SEM1: variants seen among roughly 807,000 people sequenced by gnomAD.
SEM1 encodes the protein SEM1 26S proteasome subunit.
Under a neutral mutation model 12.7 loss-of-function variants are expected in SEM1, and 3 were observed. That is an observed-to-expected ratio of 0.24 (90% confidence interval 0.11 to 0.61). The LOEUF (loss-of-function observed/expected upper bound fraction) is 0.61, where lower values mean the gene tolerates loss of function less well. Among genes scored for constraint, SEM1 ranks in the 20% least tolerant of loss-of-function variants. The probability of loss-of-function intolerance (pLI) is 0.88; values close to 1 mark genes in which losing one functional copy is unlikely to be tolerated. For missense variants in SEM1, 59 were observed against 81.3 expected (o/e 0.73, Z 1.06); for synonymous variants, 30 against 27.8 (o/e 1.08, Z -0.25).
At chr7:96,645,997 TTA>T (rs1253361487) in intron 2 of SEM1, 2 of 397,048 alleles carry the variant, frequency 5.0e-6, no homozygotes, top group Non-Finnish European at 8.9e-6. Flanking sequence ...CTTTCATACA[TTA>T]TGTTTCACTG....
intron 2 of SEM1, among the ~76,000 whole-genome samples, chr7:96,529,675 G>C (rs1804583031): frequency 6.6e-6 from 1 of 152,076 alleles, no homozygotes; most frequent in Admixed American, 6.6e-5. Context: ...TTGGAGTACA[G>C]AAAAGTCTCA....
At chr7:96,638,134 C>T (rs183679707) in intron 2 of SEM1, among the ~76,000 whole-genome samples, 1 of 152,186 alleles carries the variant, frequency 6.6e-6, no homozygotes, top group East Asian at 1.9e-4. Flanking sequence ...AGTCCTTCTT[C>T]ACCTCGTTCC....
chr7:96,650,717 T>G, intron 2 of SEM1, among the ~76,000 whole-genome samples: 1 of 151,688 alleles, frequency 6.6e-6, no homozygotes, highest in East Asian at 1.9e-4. Context: ...GCTCCAAAAC[T>G]CTCACCATGT....
intron 2 of SEM1, among the ~76,000 whole-genome samples, chr7:96,574,084 G>A (rs1033831399): frequency 1.1e-4 from 16 of 151,864 alleles, no homozygotes; most frequent in South Asian, 4.2e-4. Context: ...ATCCCTCCCC[G>A]CTCCTCCCAC....
At chr7:96,671,051 A>G (rs1789302197), downstream of SEM1, among the ~76,000 whole-genome samples, 1 of 152,192 alleles carries the variant, frequency 6.6e-6, no homozygotes, top group African/African-American at 2.4e-5. Context: ...TGCATGCACG[A>G]CATTTTGGGA....
At chr7:96,544,732 T>A (rs1203591887) in intron 2 of SEM1, among the ~76,000 whole-genome samples, 1 of 151,986 alleles carries the variant, frequency 6.6e-6, no homozygotes, top group African/African-American at 2.4e-5. Flanking sequence ...TTTATATATG[T>A]ATAATATACT....
At chr7:96,508,219 T>G (rs1024899199) in intron 2 of SEM1, among the ~76,000 whole-genome samples, 1 of 152,008 alleles carries the variant, frequency 6.6e-6, no homozygotes, top group African/African-American at 2.4e-5. Context: ...GAGTGGAGAT[T>G]CAGGGGGAAT....
intron 2 of SEM1, among the ~76,000 whole-genome samples, chr7:96,634,703 A>G (rs2116356655): frequency 6.6e-6 from 1 of 151,912 alleles, no homozygotes; most frequent in African/African-American, 2.4e-5. Flanking sequence ...TGGCTAGAAG[A>G]AGTGAGCCAT....
intron 1 of SEM1, among the ~76,000 whole-genome samples, chr7:96,702,765 T>C (rs968120736): frequency 5.9e-5 from 9 of 152,216 alleles, no homozygotes; most frequent in East Asian, 5.8e-4. Flanking sequence ...TTAATAGTGA[T>C]TGAAGTGAAC....
chr7:96,605,171 A>G (rs1316691332), intron 2 of SEM1, among the ~76,000 whole-genome samples: 1 of 152,096 alleles, frequency 6.6e-6, no homozygotes, highest in African/African-American at 2.4e-5. Context: ...CCATGTTGCA[A>G]TCCTAATTTA....
intron 2 of SEM1, chr7:96,622,745 A>G (rs745607880): frequency 4.7e-5 from 32 of 687,382 alleles, no homozygotes; most frequent in Non-Finnish European, 7.9e-5. Context: ...TGTAGATCAT[A>G]AAATCACTTA....
chr7:96,681,993 G>T (rs7808844), intron 2 of SEM1, among the ~76,000 whole-genome samples: 1 of 152,048 alleles, frequency 6.6e-6, no homozygotes, highest in Non-Finnish European at 1.5e-5. Flanking sequence ...CCATTTTCAC[G>T]ATATTGATTC....
Position 96,709,767 on chromosome 7 carries a change from G to T in SEM1, c.-4C>A. On this transcript the variant is annotated 5_prime_UTR_variant, in exon 1 of 3. Transcript: ENST00000248566. ...CCGGCTGCTTTTTCTCTGACATCTC[G>T]ACTGTCCGCGCCCAACACCTCCCAG... 6.2e-7 allele frequency: 1 copy of T among 1,613,700 alleles called. No homozygotes were observed. Among genetic ancestry groups the T allele is most frequent in the Non-Finnish European group, 8.5e-7 (1 of 1,179,814 alleles).
At chr7:96,565,608 AG>A (rs1805821953) in intron 2 of SEM1, among the ~76,000 whole-genome samples, 1 of 151,908 alleles carries the variant, frequency 6.6e-6, no homozygotes, top group Non-Finnish European at 1.5e-5. Flanking sequence ...CCCTCAATTC[AG>A]GTTTTGTAAT....
chr7:96,523,837 A>G (rs1367957297), intron 2 of SEM1, among the ~76,000 whole-genome samples: 1 of 152,142 alleles, frequency 6.6e-6, no homozygotes, highest in Non-Finnish European at 1.5e-5. Flanking sequence ...TTCCACCCCA[A>G]TGACACAAAC....
At position 96,490,727 on chromosome 7, in the gene SEM1, T is replaced by C. The variant is rs546802744; in HGVS notation, c.13-4310A>G. 2.0e-5 allele frequency among the ~76,000 whole-genome samples: 3 copies of C among 152,292 alleles called. No individual in the cohort carries two copies. In the South Asian group the frequency reaches 6.2e-4, roughly 32 times the overall value. On this transcript the variant is annotated intron_variant, in intron 1 of 3. Transcript: ENST00000356686. ...CCAAACGTGATCACATTGGAAGGTGTGCTGTGGATTGTCAGTCAGTTGGAA... is the reference window on the plus strand; with the variant it reads ...CCAAACGTGATCACATTGGAAGGTGCGCTGTGGATTGTCAGTCAGTTGGAA...
chr7:96,706,630 TTAAAATGA>T (rs1221393817), intron 1 of SEM1, among the ~76,000 whole-genome samples: 3 of 149,074 alleles, frequency 2.0e-5, no homozygotes, highest in Non-Finnish European at 4.4e-5. Context: ...TTCCCTTTCC[TTAAAATGA>T]TTAAATGAAC....
At chr7:96,580,329 A>G (rs1290803595) in intron 2 of SEM1, among the ~76,000 whole-genome samples, 1 of 147,546 alleles carries the variant, frequency 6.8e-6, no homozygotes, top group East Asian at 2.0e-4. Context: ...ATAGTATTCC[A>G]TGGTGTATAT....
chr7:96,501,859 AC>A (rs1285836898), intron 3 of SEM1, among the ~76,000 whole-genome samples: 1 of 152,024 alleles, frequency 6.6e-6, no homozygotes, highest in East Asian at 1.9e-4. Context: ...TAGTTTTTCA[AC>A]CCTGACCATC....
Sources: gnomAD v4.1 joint callset for allele counts (sites outside exome capture counted in the v4.1 genomes callset) on GRCh38, gnomAD v4.1.1 for gene constraint, MANE v1.5 for transcripts, NCBI Gene and HGNC (gene_info 2026-07-23, HGNC 2026-07-21) for gene names.